PTPRE: variants seen among roughly 807,000 people sequenced by gnomAD.
PTPRE encodes receptor-type tyrosine-protein phosphatase epsilon.
In PTPRE, 51 loss-of-function variants were observed where a neutral mutation model predicts 102.0. That is an observed-to-expected ratio of 0.50 (90% CI 0.40 to 0.63). PTPRE has a LOEUF of 0.63. Ranked by LOEUF, PTPRE falls within the 30% of genes least tolerant of loss-of-function variation. The pLI is 0.00. For synonymous variants in PTPRE, 345 were observed against 348.2 expected, an observed-to-expected ratio of 0.99 and a Z score of 0.10; for missense variants, 752 against 915.1, an observed-to-expected ratio of 0.82 and a Z score of 2.30.
At chr10:127,968,009 GGTGTGTGTGTGTGTGTGTGTGTGT>G (rs142445895) in intron 1 of PTPRE, among the ~76,000 whole-genome samples, 1 of 143,134 alleles carries the variant, frequency 7.0e-6, no homozygotes, top group Non-Finnish European at 1.5e-5. Flanking sequence ...TTGCTCTATA[GGTGTGTGTGTGTGTGTGTGTGTGT>G]GTGTGTGTGT....
At chr10:128,038,460 TGGA>T (rs1847409210) in intron 2 of PTPRE, among the ~76,000 whole-genome samples, 1 of 152,078 alleles carries the variant, frequency 6.6e-6, no homozygotes, top group African/African-American at 2.4e-5. Context: ...ATATACACCA[TGGA>T]ATACTATGCA....
intron 17 of PTPRE, among the ~76,000 whole-genome samples, chr10:128,074,437 G>C (rs1192322362): frequency 6.6e-6 from 1 of 152,260 alleles, no homozygotes; most frequent in East Asian, 1.9e-4. Flanking sequence ...AGTCCAAGGC[G>C]GGCAGATCAC....
chr10:128,046,218 C>T (rs558943357), intron 3 of PTPRE, among the ~76,000 whole-genome samples: 4 of 152,310 alleles, frequency 2.6e-5, no homozygotes, highest in Admixed American at 2.0e-4. Context: ...GGGTGCAAGG[C>T]GGAAGGCATG....
At chr10:128,030,692 G>A (rs1203918023) in intron 2 of PTPRE, among the ~76,000 whole-genome samples, 2 of 152,294 alleles carry the variant, frequency 1.3e-5, no homozygotes, top group African/African-American at 2.4e-5. Flanking sequence ...TAATCCTGCC[G>A]GCAAGGTCTT....
chr10:128,073,517 C>G, intron 17 of PTPRE, 46 bp downstream of exon 17: 1 of 1,595,468 alleles, frequency 6.3e-7, no homozygotes, highest in Non-Finnish European at 8.5e-7. Context: ...AGCCTGTGCA[C>G]CTGAGGCACT....
rs568464160 is a variant in PTPRE, at chr10:128,040,817, C to T, written c.-7-58C>T. 145 of 1,382,686 alleles carry T rather than the reference C, an allele frequency of 1.0e-4. No homozygotes were observed. The African/African-American group carries it at 1.3e-3, about 13-fold the overall frequency. The allele number at this position is 1,382,686 out of a possible 1,614,324, so 85.7% of individuals were successfully genotyped here. A position where few individuals can be genotyped will look rare whatever the true frequency, so the allele number is the denominator to read the frequency against. Reference sequence around the variant, plus strand: ...TCTCCTCATCATCACTGCCTGGCACCGGAGGGTCCCACAGCTGCTGCTGGA... The same window carrying T: ...TCTCCTCATCATCACTGCCTGGCACTGGAGGGTCCCACAGCTGCTGCTGGA... On this transcript the variant is annotated intron_variant, in intron 2 of 20. Transcript: ENST00000254667.
At chr10:128,067,185 C>CATGCAT in intron 11 of PTPRE, among the ~76,000 whole-genome samples, 1 of 142,724 alleles carries the variant, frequency 7.0e-6, no homozygotes, top group East Asian at 2.1e-4. Flanking sequence ...CACACATTCA[C>CATGCAT]ACATGTGCAC....
At chr10:128,017,187 A>G (rs979037146) in intron 2 of PTPRE, among the ~76,000 whole-genome samples, 1 of 152,180 alleles carries the variant, frequency 6.6e-6, no homozygotes, top group African/African-American at 2.4e-5. Context: ...AACAGCACCC[A>G]GGTGGCTGAG....
chr10:127,963,524 T>G (rs760887885), intron 1 of PTPRE, among the ~76,000 whole-genome samples: 8 of 152,248 alleles, frequency 5.3e-5, no homozygotes, highest in Non-Finnish European at 1.0e-4. Context: ...ATGCTTTGTC[T>G]TTGATAAATA....
chr10:127,967,413 C>T (rs556171594), intron 1 of PTPRE, among the ~76,000 whole-genome samples: 15 of 152,028 alleles, frequency 9.9e-5, no homozygotes, highest in Non-Finnish European at 1.9e-4. Context: ...GTGCTGTTCT[C>T]GTGATAGTGA....
chr10:127,964,118 C>T (rs1850053799), intron 1 of PTPRE, among the ~76,000 whole-genome samples: 1 of 152,116 alleles, frequency 6.6e-6, no homozygotes, highest in South Asian at 2.1e-4. Flanking sequence ...TGCAGTCCGT[C>T]GCCCCCTCCC....
intron 2 of PTPRE, among the ~76,000 whole-genome samples, chr10:128,007,355 G>C (rs919515953): frequency 6.6e-6 from 1 of 152,170 alleles, no homozygotes; most frequent in African/African-American, 2.4e-5. Flanking sequence ...TTAAAATTAA[G>C]TTCTGAGTGG....
At chr10:128,025,158 C>CAAAAAA (rs71472683) in intron 2 of PTPRE, among the ~76,000 whole-genome samples, 103 of 65,340 alleles carry the variant, frequency 1.6e-3, no homozygotes, top group African/African-American at 2.5e-3. Flanking sequence ...GATCCTGTCT[C>CAAAAAA]AAAAAAAAAA....
At chr10:127,926,517 GGTTTCCTAGA>G (rs1420480110) in intron 1 of PTPRE, among the ~76,000 whole-genome samples, 2 of 151,836 alleles carry the variant, frequency 1.3e-5, no homozygotes, top group Non-Finnish European at 2.9e-5. Context: ...TATTTTGTTC[GGTTTCCTAGA>G]GTTGCTTTCA....
intron 1 of PTPRE, among the ~76,000 whole-genome samples, chr10:127,953,121 C>G (rs1008098719): frequency 6.6e-6 from 1 of 152,216 alleles, no homozygotes; most frequent in Admixed American, 6.5e-5. Context: ...GCCCATCTAC[C>G]AAGTGACCTG....
chr10:128,062,202 C>T (rs181113732), intron 9 of PTPRE, among the ~76,000 whole-genome samples: 16 of 152,310 alleles, frequency 1.1e-4, no homozygotes, highest in Non-Finnish European at 1.9e-4. Flanking sequence ...GGTGTACGTG[C>T]GGTTAGATAT....
intron 1 of PTPRE, among the ~76,000 whole-genome samples, chr10:127,969,880 C>T (rs1194360029): frequency 2.0e-5 from 3 of 151,702 alleles, no homozygotes; most frequent in Non-Finnish European, 4.4e-5. Context: ...CTGGAGCATC[C>T]GTGGCTTTGC....
chr10:128,074,982 A>G (rs12247777), intron 17 of PTPRE, among the ~76,000 whole-genome samples: 40,599 of 152,130 alleles, frequency 0.27, 5,910 homozygotes, highest in East Asian at 0.4. Flanking sequence ...TTTTTAAAAC[A>G]TCTTTTAAAA....
chr10:127,917,393 C>T lies in PTPRE; in HGVS notation c.-31+10084C>T, dbSNP rs538553140. Among the ~76,000 whole-genome samples the T allele has an allele frequency of 4.6e-5, 7 of 152,282 alleles. No homozygotes were observed. The South Asian group carries it at 1.5e-3, about 32-fold the overall frequency. ...ACTGTCATCTTTCTGTTAAATTTGGCTTACAGGGCCAGGTGCAGTGGCTCA... is the reference window on the plus strand; with the variant it reads ...ACTGTCATCTTTCTGTTAAATTTGGTTTACAGGGCCAGGTGCAGTGGCTCA... On this transcript the variant is annotated intron_variant, in intron 1 of 20. Transcript: ENST00000254667.
Sources: allele counts gnomAD v4.1 joint callset (sites outside exome capture counted in the v4.1 genomes callset), GRCh38; gene constraint gnomAD v4.1.1; transcripts MANE v1.5; gene names NCBI Gene and HGNC (gene_info 2026-07-23, HGNC 2026-07-21).